The following RNF216 variants were observed in gnomAD, a reference collection of about 807,000 sequenced individuals.
The protein encoded by RNF216 is E3 ubiquitin-protein ligase RNF216.
RNF216 carries 72 observed loss-of-function variants against 110.8 expected under a neutral mutation model. The ratio of observed to expected loss-of-function variants is 0.65; its 90% CI spans 0.54 to 0.79. RNF216 has a LOEUF of 0.79. RNF216 is among the 30% of genes least tolerant of loss of function. The probability of loss-of-function intolerance (pLI) is 0.00; values close to 1 mark genes in which losing one functional copy is unlikely to be tolerated. For missense variants in RNF216, 1,342 were observed against 1,141.2 expected (o/e 1.18, Z -2.54); for synonymous variants, 495 against 407.5 (o/e 1.21, Z -2.59).
intron 2 of RNF216, among the ~76,000 whole-genome samples, chr7:5,759,838 G>A (rs1048438467): frequency 1.7e-4 from 26 of 151,810 alleles, no homozygotes; most frequent in African/African-American, 5.3e-4. Context: ...TCACCATGTT[G>A]GTCAGGCTGG....
chr7:5,777,174 T>C (rs1245074602), intron 1 of RNF216, among the ~76,000 whole-genome samples: 11 of 152,102 alleles, frequency 7.2e-5, no homozygotes, highest in Non-Finnish European at 2.9e-5. Context: ...AAGAAGACAT[T>C]GTGGAAGCGG....
chr7:5,671,995 T>C (rs1368411417), intron 13 of RNF216, among the ~76,000 whole-genome samples: 2 of 152,108 alleles, frequency 1.3e-5, no homozygotes, highest in Non-Finnish European at 2.9e-5. Context: ...TGACAGCATA[T>C]ATAAGCCCCT....
intron 16 of RNF216, among the ~76,000 whole-genome samples, 160 bp from the exon 17 acceptor site, chr7:5,623,339 G>A (rs567492115): frequency 1.3e-5 from 2 of 152,276 alleles, no homozygotes; most frequent in African/African-American, 4.8e-5. Context: ...AAGAAACCAA[G>A]AACAAATCTG....
At chr7:5,777,878 A>T (rs1796870501) in intron 1 of RNF216, among the ~76,000 whole-genome samples, 1 of 152,244 alleles carries the variant, frequency 6.6e-6, no homozygotes, top group African/African-American at 2.4e-5. Flanking sequence ...AACATAAAAC[A>T]TCAAGATTTT....
intron 1 of RNF216, among the ~76,000 whole-genome samples, chr7:5,776,851 A>C (rs1730166612): frequency 7.3e-6 from 1 of 136,422 alleles, no homozygotes; most frequent in South Asian, 2.6e-4. Flanking sequence ...CAGTGAGCTG[A>C]TATTGTGCCA....
chr7:5,772,637 T>TA (rs1796556698), intron 1 of RNF216, among the ~76,000 whole-genome samples: 1 of 152,296 alleles, frequency 6.6e-6, no homozygotes, highest in African/African-American at 2.4e-5. Context: ...AAAGAGTTAA[T>TA]AGTCAAATAA....
At chr7:5,721,245 C>A in intron 8 of RNF216, 73 bp from the exon 9 acceptor site, 1 of 1,347,908 alleles carries the variant, frequency 7.4e-7, no homozygotes, top group East Asian at 2.3e-5. Context: ...CATGTCCATT[C>A]TTCCCGGCCT....
chr7:5,661,666 G>C (rs1013931422), intron 13 of RNF216, among the ~76,000 whole-genome samples: 3 of 152,114 alleles, frequency 2.0e-5, no homozygotes. Flanking sequence ...AGCCAGGCGT[G>C]GTGGTGCAAG....
chr7:5,655,369 G>A (rs542875755), intron 13 of RNF216, among the ~76,000 whole-genome samples: 89 of 152,274 alleles, frequency 5.8e-4, no homozygotes, highest in Admixed American at 2.9e-3. Flanking sequence ...AGGCCGAGGC[G>A]GAGGGATCAC....
intron 9 of RNF216, among the ~76,000 whole-genome samples, chr7:5,719,257 C>T (rs1284091006): frequency 6.6e-6 from 1 of 152,120 alleles, no homozygotes; most frequent in Non-Finnish European, 1.5e-5. Flanking sequence ...CACCTGCAGT[C>T]CCAATTACTC....
intron 9 of RNF216, among the ~76,000 whole-genome samples, chr7:5,719,236 G>A (rs1379419617): frequency 6.6e-6 from 1 of 152,106 alleles, no homozygotes; most frequent in Non-Finnish European, 1.5e-5. Flanking sequence ...TTAGCCAGGT[G>A]TGGTGGTGCA....
chr7:5,767,237 T>C (rs2128676478), intron 1 of RNF216, among the ~76,000 whole-genome samples: 1 of 152,322 alleles, frequency 6.6e-6, no homozygotes, highest in East Asian at 1.9e-4. Context: ...GGGGCTCTGA[T>C]CCATGAAAAA....
intron 13 of RNF216, among the ~76,000 whole-genome samples, chr7:5,673,407 G>A (rs1790053698): frequency 6.6e-6 from 1 of 152,208 alleles, no homozygotes; most frequent in Non-Finnish European, 1.5e-5. Flanking sequence ...GCAGGTGGGG[G>A]ACTGGCCTGG....
intron 13 of RNF216, among the ~76,000 whole-genome samples, chr7:5,653,992 T>C (rs1032300364): frequency 4.6e-5 from 7 of 152,152 alleles, no homozygotes; most frequent in Non-Finnish European, 1.0e-4. Context: ...CTTTATCCTA[T>C]GAGCACTAGG....
intron 13 of RNF216, among the ~76,000 whole-genome samples, chr7:5,685,947 G>A (rs1790953284): frequency 6.6e-6 from 1 of 152,118 alleles, no homozygotes; most frequent in African/African-American, 2.4e-5. Flanking sequence ...TTCCGGCCGG[G>A]CGCGGTGGCT....
At chr7:5,745,693 A>C (rs1322196407) in intron 3 of RNF216, among the ~76,000 whole-genome samples, 2 of 152,032 alleles carry the variant, frequency 1.3e-5, no homozygotes, top group East Asian at 3.9e-4. Flanking sequence ...TGAGGTCAAG[A>C]GTTAGAGACC....
intron 5 of RNF216, among the ~76,000 whole-genome samples, chr7:5,736,082 G>A (rs1352734353): frequency 1.3e-5 from 2 of 151,110 alleles, no homozygotes; most frequent in Admixed American, 6.6e-5. Context: ...GACAGAGTGA[G>A]ACTCCGTCTC....
chr7:5,652,025 G>A (rs988271474), intron 14 of RNF216, among the ~76,000 whole-genome samples: 12 of 152,178 alleles, frequency 7.9e-5, no homozygotes, highest in African/African-American at 1.7e-4. Context: ...TATCACAGGC[G>A]TATCATTTTG....
chr7:5,663,403 A>C (rs981985330), intron 13 of RNF216, among the ~76,000 whole-genome samples: 4 of 151,076 alleles, frequency 2.6e-5, no homozygotes, highest in Non-Finnish European at 5.9e-5. Context: ...ACACGGTGAA[A>C]CCCCCGTCTC....
Sources: allele counts gnomAD v4.1 joint callset (sites outside exome capture counted in the v4.1 genomes callset), GRCh38; gene constraint gnomAD v4.1.1; transcripts MANE v1.5; gene names NCBI Gene and HGNC (gene_info 2026-07-23, HGNC 2026-07-21).